HIPK2: variants seen among roughly 807,000 people sequenced by gnomAD.
HIPK2 encodes the protein homeodomain-interacting protein kinase 2.
In HIPK2, 27 loss-of-function variants were observed where a neutral mutation model predicts 113.7. The observed-to-expected ratio is 0.24, with a 90% CI of 0.17 to 0.33. The LOEUF is 0.33. Ranked by LOEUF, HIPK2 falls within the 10% of genes least tolerant of loss-of-function variation. HIPK2 has a pLI of 1.00. For missense variants in HIPK2, 1,257 were observed against 1,588.0 expected (o/e 0.79, Z 3.54); for synonymous variants, 631 against 642.2 (o/e 0.98, Z 0.26).
chr7:139,572,919 T>TC lies in HIPK2; in HGVS notation c.*7dup. ...TCCCTCCCTCCCTCCCTCCCTCCCC[T>TC]CCAGTGTTTATATGTAAGGGTACTG... On this transcript the variant is annotated 3_prime_UTR_variant, in exon 15 of 15. Transcript: ENST00000406875. 1 of 164,956 alleles carries TC rather than the reference T, an allele frequency of 6.1e-6. No individual in the cohort carries two copies. Among genetic ancestry groups the TC allele is most frequent in the South Asian group, 6.1e-5 (1 of 16,270 alleles). The allele number at this position is 164,956 out of a possible 1,614,324, so 10.2% of individuals were successfully genotyped here.
chr7:139,766,851 T>C (rs1569486043), intron 1 of HIPK2, among the ~76,000 whole-genome samples: 1 of 152,238 alleles, frequency 6.6e-6, no homozygotes, highest in Non-Finnish European at 1.5e-5. Context: ...GCCCATTTTA[T>C]TCTGGGGCCC....
rs112451063 is a variant in HIPK2, at chr7:139,616,876, A to C, written c.1783-2383T>G. On this transcript the variant is annotated intron_variant, in intron 7 of 14. Coordinates refer to ENST00000406875, the MANE Select transcript of HIPK2 (RefSeq NM_022740.5). ...GTCTACCTGGCCCCTAGTACATGCT[A>C]TTCTGCATTTTGATTAAACTATTTT... 5.2e-3 allele frequency among the ~76,000 whole-genome samples: 785 copies of C among 152,278 alleles called. 7 individuals are homozygous for C. The highest frequency in any genetic ancestry group is 0.017 in the African/African-American group (723 of 41,540).
chr7:139,718,592 C>T (rs184204736), intron 1 of HIPK2, among the ~76,000 whole-genome samples: 505 of 152,296 alleles, frequency 3.3e-3, no homozygotes, highest in Non-Finnish European at 5.3e-3. Context: ...AAAAAGTTCC[C>T]GATTCTCATG....
rs754291827 is a variant in HIPK2, at chr7:139,614,416, G to C, written c.1860C>G (p.Tyr620Ter). The C allele has an allele frequency of 6.4e-7, 1 of 1,568,454 alleles. No homozygotes were observed. Among genetic ancestry groups the C allele is most frequent in the African/African-American group, 1.4e-5 (1 of 73,490 alleles). Residue 620 changes from tyrosine to a stop codon, truncating the protein, a stop_gained, in exon 8 of 15, where the codon TAC (tyrosine) becomes TAG (stop). Coordinates refer to ENST00000406875, the MANE Select transcript of HIPK2 (RefSeq NM_022740.5). LOFTEE classifies it high-confidence loss of function. ...VSILNYPSTL[Y>*]QPSAASMAAV... ...CAGCCATGGATGCCGCTGAGGGCTG[G>C]TAGAGTGTAGATGGGTAGTTTAGTA...
intron 2 of HIPK2, among the ~76,000 whole-genome samples, chr7:139,675,693 G>GA (rs1802473075): frequency 6.6e-6 from 1 of 152,192 alleles, no homozygotes; most frequent in Non-Finnish European, 1.5e-5. Flanking sequence ...CACCAGAGAG[G>GA]AAGTTAGCAT....
intron 2 of HIPK2, among the ~76,000 whole-genome samples, chr7:139,652,795 C>CA (rs1569465195): frequency 1.3e-5 from 2 of 152,148 alleles, no homozygotes; most frequent in East Asian, 3.9e-4. Flanking sequence ...AGGGAGAGGG[C>CA]ACTGCAGGTA....
intron 6 of HIPK2, among the ~76,000 whole-genome samples, chr7:139,623,690 G>T (rs1800321703): frequency 6.6e-6 from 1 of 152,072 alleles, no homozygotes; most frequent in African/African-American, 2.4e-5. Flanking sequence ...TGATAGTAAG[G>T]CACAGAAATG....
intron 1 of HIPK2, among the ~76,000 whole-genome samples, chr7:139,724,726 C>T (rs576906712): frequency 7.2e-4 from 104 of 144,730 alleles, no homozygotes; most frequent in African/African-American, 2.5e-3. Flanking sequence ...GTTCCCCTTC[C>T]TGTGTCCATG....
At chr7:139,598,639 C>T (rs12532814) in intron 11 of HIPK2, among the ~76,000 whole-genome samples, 2,981 of 152,252 alleles carry the variant, frequency 0.02, 58 homozygotes, top group Middle Eastern at 0.037. Flanking sequence ...TTATATCGAT[C>T]TTGAAATGTA....
At chr7:139,725,445 T>C (rs1439822823) in intron 1 of HIPK2, among the ~76,000 whole-genome samples, 2 of 152,362 alleles carry the variant, frequency 1.3e-5, no homozygotes, top group South Asian at 2.1e-4. Flanking sequence ...CAGGCTTTGC[T>C]TGGAGACAAC....
chr7:139,587,137 A>G (rs1484246906), intron 12 of HIPK2, among the ~76,000 whole-genome samples: 2 of 152,328 alleles, frequency 1.3e-5, no homozygotes, highest in East Asian at 3.9e-4. Flanking sequence ...AAACCACTGA[A>G]TTGTACACAT....
At chr7:139,662,651 G>A (rs1359824045) in intron 2 of HIPK2, among the ~76,000 whole-genome samples, 3 of 139,632 alleles carry the variant, frequency 2.1e-5, no homozygotes, top group Non-Finnish European at 3.0e-5. Context: ...ACGGAGTCTC[G>A]CTCTGTCACC....
At chr7:139,633,981 G>A (rs146660859) in intron 2 of HIPK2, among the ~76,000 whole-genome samples, 15 of 149,758 alleles carry the variant, frequency 1.0e-4, no homozygotes, top group East Asian at 1.0e-3. Flanking sequence ...ATGGAGGTGC[G>A]CACCTGTGGT....
intron 2 of HIPK2, among the ~76,000 whole-genome samples, chr7:139,713,977 G>C (rs929860886): frequency 3.3e-5 from 5 of 152,216 alleles, no homozygotes; most frequent in African/African-American, 9.6e-5. Flanking sequence ...GACAAGGAGA[G>C]GCTTCTTGTC....
intron 10 of HIPK2, 43 bp from the exon 11 acceptor site, chr7:139,600,639 A>G: frequency 6.3e-7 from 1 of 1,592,632 alleles, no homozygotes; most frequent in East Asian, 2.2e-5. Flanking sequence ...GAGGTGTTCT[A>G]AAAGTAGAGC....
At position 139,613,645 on chromosome 7, in the gene HIPK2, A is replaced by G. The variant is rs1799917170; in HGVS notation, c.1991-322T>C. Among the ~76,000 whole-genome samples the G allele has an allele frequency of 6.6e-6, 1 of 152,254 alleles. No individual in the cohort carries two copies. The highest frequency in any genetic ancestry group is 1.5e-5 in the Non-Finnish European group (1 of 68,048). ...TCTGACCATCAAGATGTACCTGTGT[A>G]TGTCAAAATGAGGGGTGTTGGGGAG... On this transcript the variant is annotated intron_variant, in intron 8 of 14. Coordinates refer to ENST00000406875, the MANE Select transcript of HIPK2 (RefSeq NM_022740.5). This position sits in a 1 kb window ranked among gnomAD's most constrained non-coding sequence, Gnocchi z 4.2.
chr7:139,671,154 A>G (rs1281878997), intron 2 of HIPK2, among the ~76,000 whole-genome samples: 1 of 152,196 alleles, frequency 6.6e-6, no homozygotes, highest in East Asian at 1.9e-4. Flanking sequence ...GGAAACAATG[A>G]ACCAAAAGAG....
chr7:139,622,909 G>A (rs953919308), intron 6 of HIPK2, among the ~76,000 whole-genome samples: 2 of 152,128 alleles, frequency 1.3e-5, no homozygotes, highest in African/African-American at 2.4e-5. Flanking sequence ...TGACCAAGCC[G>A]TGAAACACTC....
chr7:139,597,084 G>A lies in HIPK2; in HGVS notation c.2436-86C>T. On this transcript the variant is annotated intron_variant, in intron 11 of 14. Transcript: ENST00000406875. ...GGAGCCCAATTGCCTAGAAACACCT[G>A]CTTTGCCAAATCTCTGTAAAACACG... 4 of 1,415,294 alleles carry A rather than the reference G, an allele frequency of 2.8e-6. No homozygotes were observed. The South Asian group carries it at 5.4e-5, about 19-fold the overall frequency. 87.7% of individuals were successfully genotyped at this position (1,415,294 alleles called of 1,614,324 possible).
Sources: allele counts gnomAD v4.1 joint callset (sites outside exome capture counted in the v4.1 genomes callset), GRCh38; gene constraint gnomAD v4.1.1; non-coding constraint Gnocchi (gnomAD v3.1); transcripts MANE v1.5; gene names NCBI Gene and HGNC (gene_info 2026-07-23, HGNC 2026-07-21).